The following OBP2B variants were observed in gnomAD, a reference collection of about 807,000 sequenced individuals.
OBP2B encodes odorant binding protein 2B.
Under a neutral mutation model 21.7 loss-of-function variants are expected in OBP2B, and 10 were observed. That is an observed-to-expected ratio of 0.46 (90% CI 0.28 to 0.78). The LOEUF (loss-of-function observed/expected upper bound fraction) is 0.78, where lower values mean the gene tolerates loss of function less well. Among genes scored for constraint, OBP2B ranks in the 30% least tolerant of loss-of-function variants. OBP2B has a pLI of 0.11. For missense variants in OBP2B, 153 were observed against 217.7 expected (o/e 0.70, Z 1.87); for synonymous variants, 73 against 91.5 (o/e 0.80, Z 1.16).
the OBP2B span, among the ~76,000 whole-genome samples, chr9:133,220,210 A>G: frequency 6.6e-6 from 1 of 152,304 alleles, no homozygotes; most frequent in African/African-American, 2.4e-5. Context: ...AGCCTTGTGA[A>G]TTTACTGAAA....
chr9:133,208,113 GGA>G lies in OBP2B; in HGVS notation c.277+18_277+19del. 1.4e-6 allele frequency: 2 copies of G among 1,440,598 alleles called. No homozygotes were observed. Among genetic ancestry groups the G allele is most frequent in the Non-Finnish European group, 1.9e-6 (2 of 1,051,992 alleles). The allele number at this position is 1,440,598 out of a possible 1,614,324, so 89.2% of individuals were successfully genotyped here. A position where few individuals can be genotyped will look rare whatever the true frequency, so the allele number is the denominator to read the frequency against. On this transcript the variant is annotated intron_variant, in intron 3 of 6. Transcript: ENST00000372034. The stretch of plus-strand genomic sequence containing the variant: ...TTGGCGGTGGGGGAGGGTGGGGGTG[GGA>G]GTGGGGGAGGGGCTCACAGGCGCTG...
chr9:133,207,413 C>A, intron 3 of OBP2B, 77 bp from the exon 4 acceptor site: 2 of 1,015,638 alleles, frequency 2.0e-6, no homozygotes, highest in Non-Finnish European at 3.0e-6. Context: ...GGGAATGTTT[C>A]AGCGGTCACC....
Position 133,208,489 on chromosome 9 carries a change from C to T in OBP2B, c.186G>A (p.Leu62=), listed in dbSNP as rs1833817967. The T allele has an allele frequency of 6.2e-7, 1 of 1,613,784 alleles. No individual in the cohort carries two copies. The highest frequency in any genetic ancestry group is 8.5e-7 in the Non-Finnish European group (1 of 1,179,818). The change falls in exon 2 of 7, where the codon TTG becomes TTA. Residue 62 remains leucine (L), a synonymous_variant. Coordinates refer to ENST00000372034, the MANE Select transcript of OBP2B (RefSeq NM_014581.4). ...CTCACATGAAGGTGAACGTGGCTTC[C>T]AACTTCCCACCGCCCAGGGCTGTCA... ...VKVTALGGGK[L]EATFTFMRED... is the part of the protein sequence containing the mutation.
chr9:133,205,885 C>G, intron 6 of OBP2B, 32 bp downstream of exon 6: 2 of 1,613,852 alleles, frequency 1.2e-6, no homozygotes, highest in Non-Finnish European at 1.7e-6. Context: ...GGACTCTGGG[C>G]TTGTCCAGTG....
At chr9:133,217,191 G>A in the OBP2B span, among the ~76,000 whole-genome samples, 6 of 152,108 alleles carry the variant, frequency 3.9e-5, no homozygotes, top group East Asian at 1.2e-3. Flanking sequence ...CATTCTTTGG[G>A]GCACAAGGAA....
the OBP2B span, among the ~76,000 whole-genome samples, chr9:133,218,265 C>T: frequency 6.6e-6 from 1 of 152,138 alleles, no homozygotes; most frequent in Non-Finnish European, 1.5e-5. Flanking sequence ...AGAGCAGCCA[C>T]AGCAAATGAT....
At chr9:133,216,976 TA>T in the OBP2B span, among the ~76,000 whole-genome samples, 919 of 142,828 alleles carry the variant, frequency 6.4e-3, 7 homozygotes, top group African/African-American at 0.021. Context: ...CATAAATGCT[TA>T]AAAAAAAAAA....
the OBP2B span, among the ~76,000 whole-genome samples, chr9:133,221,952 C>T: frequency 1.1e-4 from 16 of 152,048 alleles, no homozygotes; most frequent in African/African-American, 3.4e-4. Context: ...ACCCAATCCC[C>T]CTGAACCTGC....
chr9:133,222,714 G>C, the OBP2B span, among the ~76,000 whole-genome samples: 1 of 152,080 alleles, frequency 6.6e-6, no homozygotes, highest in South Asian at 2.1e-4. Flanking sequence ...CTGTGTGACA[G>C]AGCAAGACTC....
At chr9:133,220,443 T>TC in the OBP2B span, among the ~76,000 whole-genome samples, 2 of 152,076 alleles carry the variant, frequency 1.3e-5, no homozygotes, top group African/African-American at 4.8e-5. Context: ...GATTGCCAGT[T>TC]CCCCCCATGG....
At chr9:133,218,320 G>A in the OBP2B span, among the ~76,000 whole-genome samples, 2 of 152,184 alleles carry the variant, frequency 1.3e-5, no homozygotes, top group Non-Finnish European at 2.9e-5. Flanking sequence ...GGGTGGAACT[G>A]CCATGTAGGG....
chr9:133,210,989 T>C (rs1166893844), upstream of OBP2B, among the ~76,000 whole-genome samples: 1 of 152,198 alleles, frequency 6.6e-6, no homozygotes, highest in African/African-American at 2.4e-5. Context: ...GGGCTGCCGC[T>C]ACCACACAAC....
the OBP2B span, among the ~76,000 whole-genome samples, chr9:133,218,193 C>G: frequency 1.3e-5 from 2 of 152,160 alleles, no homozygotes; most frequent in African/African-American, 4.8e-5. Flanking sequence ...GTCCAGGTGG[C>G]AGGAGCATCC....
intron 3 of OBP2B, chr9:133,207,831 T>TC: frequency 6.8e-7 from 1 of 1,474,262 alleles, no homozygotes; most frequent in Non-Finnish European, 9.1e-7. Flanking sequence ...ACCCTCAGCC[T>TC]CCCCGTACCT....
chr9:133,209,115 C>T lies in OBP2B; in HGVS notation c.72+13G>A. 1.9e-6 allele frequency: 3 copies of T among 1,611,990 alleles called. No homozygotes were observed. The highest frequency in any genetic ancestry group is 2.2e-5 in the East Asian group (1 of 44,838). On this transcript the variant is annotated intron_variant, in intron 1 of 6. Transcript: ENST00000372034. This position sits in a 1 kb window ranked among gnomAD's most constrained non-coding sequence, Gnocchi z 6.0. ...GCCTGGCTCCTCCATCCGCCCACGC[C>T]AACCCAGCTCACATCCTCCTCCTCC...
intron 1 of OBP2B, among the ~76,000 whole-genome samples, 184 bp downstream of exon 1, chr9:133,208,943 GC>G (rs1833844142): frequency 6.6e-6 from 1 of 152,002 alleles, no homozygotes; most frequent in Non-Finnish European, 1.5e-5. Context: ...GCCTGCTCCG[GC>G]CCTGGGCCTC....
Position 133,207,258 on chromosome 9 carries a change from T to G in OBP2B, c.356A>C (p.His119Pro). 1 of 1,613,738 alleles carries G rather than the reference T, an allele frequency of 6.2e-7. No homozygotes were observed. Among genetic ancestry groups the G allele is most frequent in the Non-Finnish European group, 8.5e-7 (1 of 1,179,736 alleles). Residue 119 changes from histidine to proline, a missense_variant, in exon 4 of 7, where the codon CAT becomes CCT. Physicochemically the swap from His to Pro is moderately conservative, Grantham distance 77. Transcript: ENST00000372034. ...CTTTCCCATGTGGAGCAGGCCCCCA[T>G]GGTGCTGGTCTTTGCAGTAAAAGAT... ...HYIFYCKDQH[H>P]GGLLHMGKLV...
the OBP2B span, among the ~76,000 whole-genome samples, chr9:133,215,070 G>A: frequency 7.2e-5 from 11 of 152,252 alleles, no homozygotes; most frequent in Non-Finnish European, 1.5e-4. Context: ...ACTATTAAGC[G>A]AGTTCAGCAA....
At chr9:133,206,242 G>T in intron 5 of OBP2B, 73 bp downstream of exon 5, 1 of 1,487,394 alleles carries the variant, frequency 6.7e-7, no homozygotes, top group East Asian at 2.3e-5. Flanking sequence ...GAGGACATGG[G>T]GGTCATGGGA....
Sources: allele counts gnomAD v4.1 joint callset (sites outside exome capture counted in the v4.1 genomes callset), GRCh38; gene constraint gnomAD v4.1.1; non-coding constraint Gnocchi (gnomAD v3.1); transcripts MANE v1.5; gene names NCBI Gene and HGNC (gene_info 2026-07-23, HGNC 2026-07-21).